Variants in TTC12 observed in about 807,000 individuals in gnomAD.
The protein encoded by TTC12 is tetratricopeptide repeat protein 12.
In TTC12, 70 loss-of-function variants were observed where a neutral mutation model predicts 90.1. The observed-to-expected ratio is 0.78, with a 90% CI of 0.64 to 0.95. TTC12 has a LOEUF of 0.95. Among genes scored for constraint, TTC12 ranks in the 40% least tolerant of loss-of-function variants. TTC12 has a pLI of 0.00. For missense variants in TTC12, 819 were observed against 846.1 expected (o/e 0.97, Z 0.40); for synonymous variants, 296 against 311.5 (o/e 0.95, Z 0.53).
In TTC12 at chr11:113,350,349, C is replaced by T. The variant is rs540776572; in HGVS notation, c.1247+184C>T. Among the ~76,000 whole-genome samples the T allele has an allele frequency of 5.3e-5, 8 of 152,290 alleles. No homozygotes were observed. The South Asian group carries it at 1.5e-3, about 28-fold the overall frequency. ...CAGCCACCCACTCCCATTCTAGTCA[C>T]TCTGCATAGAGGCTGACCCGGGCCT... On this transcript the variant is annotated intron_variant, in intron 14 of 21. Transcript: ENST00000529221.
chr11:113,356,924 T>C (rs527738181), intron 16 of TTC12, among the ~76,000 whole-genome samples: 11 of 152,278 alleles, frequency 7.2e-5, no homozygotes, highest in African/African-American at 2.4e-4. Flanking sequence ...TCTTATGAAG[T>C]ATCTTACTGG....
At chr11:113,337,693 C>G (rs908380008) in intron 8 of TTC12, among the ~76,000 whole-genome samples, 1 of 152,136 alleles carries the variant, frequency 6.6e-6, no homozygotes, top group Non-Finnish European at 1.5e-5. Flanking sequence ...AATGATCTGA[C>G]ATATTTTAAA....
intron 1 of TTC12, among the ~76,000 whole-genome samples, chr11:113,315,663 A>G (rs1946890553): frequency 6.6e-6 from 1 of 152,218 alleles, no homozygotes; most frequent in East Asian, 1.9e-4. Context: ...CAACTGTAAA[A>G]TAATATCTGA....
chr11:113,336,141 G>T (rs117157497), intron 8 of TTC12, among the ~76,000 whole-genome samples: 1,854 of 152,144 alleles, frequency 0.012, 18 homozygotes, highest in South Asian at 0.055. Flanking sequence ...TGTCATTGTG[G>T]TATTTGATCT....
rs1555144846 is a variant in TTC12 at position 113,338,691 on chromosome 11, A to G, written c.577-83A>G. 4 of 1,033,910 alleles carry G rather than the reference A, an allele frequency of 3.9e-6. No homozygotes were observed. The East Asian group carries it at 7.3e-5, about 19-fold the overall frequency. The allele number at this position is 1,033,910 out of a possible 1,614,324, so 64.0% of individuals were successfully genotyped here. ...GGAGGTGAGGAGAAAATAATGAAGC[A>G]GCCAAGCCCAATGACACCCAGTGTC... On this transcript the variant is annotated intron_variant, in intron 8 of 21. Coordinates refer to ENST00000529221, the MANE Select transcript of TTC12 (RefSeq NM_017868.4).
At chr11:113,345,271 GT>G (rs1424264465) in intron 13 of TTC12, among the ~76,000 whole-genome samples, 1 of 152,206 alleles carries the variant, frequency 6.6e-6, no homozygotes, top group Non-Finnish European at 1.5e-5. Context: ...ACCCTTCTGA[GT>G]TTTTTCATTC....
chr11:113,367,609 G>T (rs963017031), downstream of TTC12, among the ~76,000 whole-genome samples: 3 of 152,220 alleles, frequency 2.0e-5, no homozygotes, highest in African/African-American at 7.2e-5. Context: ...CTCCTCCAGG[G>T]AGATGTTATT....
rs369843614 is a variant in TTC12 at position 113,316,273 on chromosome 11, G to A, written c.16G>A (p.Glu6Lys). Residue 6 changes from glutamate (E) to lysine (K), a missense_variant, in exon 2 of 22, where the codon GAG (glutamate) becomes AAG (lysine). Glu to Lys is a moderately conservative substitution (Grantham distance 56). Transcript: ENST00000529221. MDADK[E>K]KDLQKFLKNV... ...CCGGTTCACAATGGATGCTGATAAAGAGAAAGATTTGCAGAAATTTCTTAA... is the reference window on the plus strand; with the variant it reads ...CCGGTTCACAATGGATGCTGATAAAAAGAAAGATTTGCAGAAATTTCTTAA... The A allele has an allele frequency of 8.1e-6, 12 of 1,473,938 alleles. No individual in the cohort carries two copies. The highest frequency in any genetic ancestry group is 1.8e-4 in the Middle Eastern group (1 of 5,518). 91.3% of individuals were successfully genotyped at this position (1,473,938 alleles called of 1,614,324 possible).
At chr11:113,341,674 C>T in intron 11 of TTC12, 163 bp from the exon 12 acceptor site, 1 of 632,310 alleles carries the variant, frequency 1.6e-6, no homozygotes, top group Non-Finnish European at 2.9e-6. Flanking sequence ...GCCTGGGACT[C>T]ATGGTTCCGT....
rs781963130 is a variant in TTC12 at position 113,330,006 on chromosome 11, G to T, written c.504+27G>T. On this transcript the variant is annotated intron_variant, in intron 7 of 21. Transcript: ENST00000529221. ...TAAGAGGGTATTTCTTTTCCCACAT[G>T]ATAGTGTTGGGCTGAAGTAGATAGA... 2.5e-6 allele frequency: 4 copies of T among 1,574,262 alleles called. No individual in the cohort carries two copies. In the East Asian group the frequency reaches 6.7e-5, roughly 26 times the overall value.
In TTC12 at chr11:113,359,718, T is replaced by G. The variant is rs548105423; in HGVS notation, c.1546-222T>G. ...TGAGCAGAGTATGAGGTGCTGCATT[T>G]ACAAAGTCAAATAAAAGGCGGTTCC... On this transcript the variant is annotated intron_variant, in intron 17 of 21. Coordinates refer to ENST00000529221, the MANE Select transcript of TTC12 (RefSeq NM_017868.4). 4.6e-5 allele frequency among the ~76,000 whole-genome samples: 7 copies of G among 152,298 alleles called. No homozygotes were observed. The South Asian group carries it at 1.5e-3, about 32-fold the overall frequency.
intron 13 of TTC12, among the ~76,000 whole-genome samples, chr11:113,349,591 T>C (rs1210820048): frequency 1.3e-5 from 2 of 152,376 alleles, no homozygotes; most frequent in East Asian, 1.9e-4. Flanking sequence ...TTTCCAGCTC[T>C]AAGTGGAGGA....
intron 6 of TTC12, among the ~76,000 whole-genome samples, chr11:113,327,991 T>G (rs1380242018): frequency 6.6e-6 from 1 of 152,232 alleles, no homozygotes. Flanking sequence ...GGTTGGATAC[T>G]TGGATTCCCT....
chr11:113,371,748 T>C (rs1950391707), intron 21 of TTC12, among the ~76,000 whole-genome samples: 1 of 152,202 alleles, frequency 6.6e-6, no homozygotes, highest in Non-Finnish European at 1.5e-5. Flanking sequence ...TTGCTTTAAA[T>C]TTCATAACCT....
At chr11:113,330,935 G>A (rs1948024015) in intron 7 of TTC12, among the ~76,000 whole-genome samples, 1 of 152,042 alleles carries the variant, frequency 6.6e-6, no homozygotes, top group Non-Finnish European at 1.5e-5. Context: ...TCAATTCTTG[G>A]GTACAGCACA....
chr11:113,365,125 G>A, intron 21 of TTC12, 65 bp downstream of exon 21: 1 of 1,483,974 alleles, frequency 6.7e-7, no homozygotes, highest in Non-Finnish European at 9.3e-7. Flanking sequence ...GAGGTGCTGA[G>A]TTTTGGCTGG....
chr11:113,332,631 TCTC>T (rs1299032137), intron 7 of TTC12, among the ~76,000 whole-genome samples: 51 of 152,172 alleles, frequency 3.4e-4, no homozygotes, highest in African/African-American at 1.2e-3. Flanking sequence ...ACAGCTCTCT[TCTC>T]CTCTCATGGG....
At chr11:113,365,367 C>G in intron 21 of TTC12, 1 of 319,500 alleles carries the variant, frequency 3.1e-6, no homozygotes, top group Non-Finnish European at 6.0e-6. Context: ...CTCCCTGTCT[C>G]TTTATCCTCC....
In TTC12 at chr11:113,364,847, T is replaced by C. The variant is rs765409527; in HGVS notation, c.1829T>C (p.Met610Thr). Residue 610 changes from methionine (M) to threonine (T), a missense_variant, in exon 21 of 22, where the codon ATG becomes ACG. Physicochemically the swap from Met to Thr is moderately conservative, Grantham distance 81. Transcript: ENST00000529221. The part of the protein sequence containing the change: ...VIRLDKKLSV[M>T]MKLLSSEDEV... ...TCTTTCCCTGCAGAGTTGAGCGTTATGATGAAGCTGCTCAGCTCGGAGGAT... is the reference window on the plus strand; with the variant it reads ...TCTTTCCCTGCAGAGTTGAGCGTTACGATGAAGCTGCTCAGCTCGGAGGAT... The C allele has an allele frequency of 3.9e-5, 63 of 1,614,028 alleles. No individual in the cohort carries two copies. Among genetic ancestry groups the C allele is most frequent in the Non-Finnish European group, 5.3e-5 (62 of 1,180,014 alleles).
Sources: allele counts gnomAD v4.1 joint callset (sites outside exome capture counted in the v4.1 genomes callset), GRCh38; gene constraint gnomAD v4.1.1; transcripts MANE v1.5; gene names NCBI Gene and HGNC (gene_info 2026-07-23, HGNC 2026-07-21).